The following NCAPD3 variants were observed in gnomAD, a reference collection of about 807,000 sequenced individuals.
The protein encoded by NCAPD3 is condensin-2 complex subunit D3.
NCAPD3 carries 105 observed loss-of-function variants against 182.9 expected under a neutral mutation model. That is an observed-to-expected ratio of 0.57 (90% CI 0.49 to 0.68). The LOEUF (loss-of-function observed/expected upper bound fraction) is 0.68. Among genes scored for constraint, NCAPD3 ranks in the 30% least tolerant of loss-of-function variants. NCAPD3 has a pLI of 0.00. For synonymous variants in NCAPD3, 815 were observed against 679.9 expected, an observed-to-expected ratio of 1.20 and a Z score of -3.09; for missense variants, 1,944 against 1,837.0, an observed-to-expected ratio of 1.06 and a Z score of -1.07.
intron 12 of NCAPD3, 64 bp from the exon 13 acceptor site, chr11:134,202,969 G>A: frequency 7.6e-7 from 1 of 1,321,970 alleles, no homozygotes; most frequent in Non-Finnish European, 1.1e-6. Context: ...ACATTAGCAG[G>A]GCATGTTACT....
intron 19 of NCAPD3, among the ~76,000 whole-genome samples, chr11:134,184,422 C>A (rs944046315): frequency 1.3e-5 from 2 of 152,234 alleles, no homozygotes; most frequent in Non-Finnish European, 2.9e-5. Flanking sequence ...AAGGTGGTGA[C>A]CATCTAAGGG....
At chr11:134,165,937 A>C (rs949410418) in intron 27 of NCAPD3, among the ~76,000 whole-genome samples, 1 of 104,526 alleles carries the variant, frequency 9.6e-6, no homozygotes, top group African/African-American at 3.9e-5. Context: ...GGAGCAGCAC[A>C]CTCACTTGTG....
rs2276265 is a variant in NCAPD3 at position 134,177,348 on chromosome 11, T to C, written c.2892A>G (p.Val964=). ...TGTAGCGAATGCAGAGATCGCACAT[T>C]ACAATGATGACGTTGTTGCGGACAG... ...DVAVRNNVII[V]MCDLCIRYTI... Residue 964 remains valine (V), a synonymous_variant, in exon 23 of 35, where the codon GTA becomes GTG. Transcript: ENST00000534548. 0.35 allele frequency: 560,685 copies of C among 1,613,846 alleles called. 105,279 individuals carry two copies. Among genetic ancestry groups the C allele is most frequent in the African/African-American group, 0.76 (57,147 of 74,990 alleles).
chr11:134,168,343 A>T (rs1943919809), intron 26 of NCAPD3, 126 bp downstream of exon 26: 2 of 1,502,796 alleles, frequency 1.3e-6, no homozygotes, highest in Admixed American at 3.4e-5. Flanking sequence ...ATGCCAGAGA[A>T]GGACAAGATG....
At chr11:134,168,404 G>A in intron 26 of NCAPD3, 65 bp downstream of exon 26, 1 of 1,600,804 alleles carries the variant, frequency 6.2e-7, no homozygotes, top group African/African-American at 1.3e-5. Context: ...GGCCTGCTGG[G>A]CCATTATCAA....
At chr11:134,223,335 G>C (rs1405174488) in intron 1 of NCAPD3, 3 of 682,456 alleles carry the variant, frequency 4.4e-6, no homozygotes, top group Non-Finnish European at 2.7e-6. Context: ...CTCAGAGGCA[G>C]GACAGTGGTA....
chr11:134,163,853 C>A (rs552994725), intron 27 of NCAPD3, among the ~76,000 whole-genome samples: 9 of 128,394 alleles, frequency 7.0e-5, no homozygotes, highest in Middle Eastern at 4.6e-3. Context: ...GCCTGGGCGA[C>A]GCAGTGAGAT....
chr11:134,169,288 T>G (rs1943949652), intron 24 of NCAPD3, among the ~76,000 whole-genome samples: 1 of 152,218 alleles, frequency 6.6e-6, no homozygotes, highest in Admixed American at 6.5e-5. Flanking sequence ...TTCCACCAGG[T>G]TTCCTTTCAA....
intron 11 of NCAPD3, 71 bp from the exon 12 acceptor site, chr11:134,203,269 C>A: frequency 9.0e-7 from 1 of 1,109,314 alleles, no homozygotes; most frequent in South Asian, 1.3e-5. Flanking sequence ...ACGGAGGAAT[C>A]AAAATCAAGA....
At chr11:134,217,668 G>A (rs2136030017) in intron 2 of NCAPD3, among the ~76,000 whole-genome samples, 1 of 152,250 alleles carries the variant, frequency 6.6e-6, no homozygotes, top group South Asian at 2.1e-4. Flanking sequence ...AACACATGAA[G>A]AAGAAATGGG....
chr11:134,219,373 AC>A (rs1362073342), intron 2 of NCAPD3, among the ~76,000 whole-genome samples: 2 of 151,464 alleles, frequency 1.3e-5, no homozygotes, highest in Non-Finnish European at 2.9e-5. Flanking sequence ...TGAACTCTCC[AC>A]CCCCTGCAAC....
At chr11:134,190,589 C>T (rs930221554) in intron 16 of NCAPD3, among the ~76,000 whole-genome samples, 5 of 152,122 alleles carry the variant, frequency 3.3e-5, no homozygotes, top group Non-Finnish European at 5.9e-5. Flanking sequence ...TGGGCTGAAG[C>T]GATCATCCCA....
At chr11:134,170,503 T>A (rs1396715281) in intron 24 of NCAPD3, among the ~76,000 whole-genome samples, 1 of 152,270 alleles carries the variant, frequency 6.6e-6, no homozygotes, top group Non-Finnish European at 1.5e-5. Context: ...GTTAATCTAC[T>A]ATGGCATGGC....
At chr11:134,205,964 C>T (rs981302407) in intron 8 of NCAPD3, among the ~76,000 whole-genome samples, 3 of 152,076 alleles carry the variant, frequency 2.0e-5, no homozygotes, top group Admixed American at 6.5e-5. Flanking sequence ...CACCATGTCT[C>T]GGCACCACCT....
At chr11:134,214,659 G>T (rs962330631) in intron 3 of NCAPD3, among the ~76,000 whole-genome samples, 1 of 152,066 alleles carries the variant, frequency 6.6e-6, no homozygotes, top group Non-Finnish European at 1.5e-5. Context: ...AATAAATCTC[G>T]ATCTAGATTG....
intron 27 of NCAPD3, among the ~76,000 whole-genome samples, chr11:134,163,871 C>CAAAAAAAAAAA (rs60340458): frequency 5.6e-5 from 4 of 70,852 alleles, no homozygotes; most frequent in Non-Finnish European, 1.1e-4. Context: ...GATTCTGTCT[C>CAAAAAAAAAAA]AAAAAAAAAA....
chr11:134,155,430 G>A (rs1047889129), intron 32 of NCAPD3, among the ~76,000 whole-genome samples: 2 of 152,168 alleles, frequency 1.3e-5, no homozygotes, highest in Non-Finnish European at 2.9e-5. Flanking sequence ...AGTATAAAGA[G>A]AGACGGACAG....
chr11:134,224,725 G>A (rs1025980694), upstream of NCAPD3: 8 of 151,988 alleles, frequency 5.3e-5, no homozygotes, highest in Non-Finnish European at 8.8e-5. Flanking sequence ...GCAGCTCGCA[G>A]CGCTGCTCGG....
At chr11:134,179,431 CACATATGTTTAATGACT>C (rs1944245012) in intron 20 of NCAPD3, among the ~76,000 whole-genome samples, 1 of 152,190 alleles carries the variant, frequency 6.6e-6, no homozygotes, top group Non-Finnish European at 1.5e-5. Flanking sequence ...ATATGTATGA[CACATATGTTTAATGACT>C]ACATAAGTAT....
Sources: allele counts gnomAD v4.1 joint callset (sites outside exome capture counted in the v4.1 genomes callset), GRCh38; gene constraint gnomAD v4.1.1; transcripts MANE v1.5; gene names NCBI Gene and HGNC (gene_info 2026-07-23, HGNC 2026-07-21).